The following SPON1 variants were observed in gnomAD, a reference collection of about 807,000 sequenced individuals.
SPON1 encodes the protein spondin-1.
Under a neutral mutation model 111.7 loss-of-function variants are expected in SPON1, and 52 were observed. The observed-to-expected ratio is 0.47, with a 90% CI of 0.37 to 0.59. SPON1 has a LOEUF of 0.59. Ranked by LOEUF, SPON1 falls within the 20% of genes least tolerant of loss-of-function variation. The pLI is 0.00. For synonymous variants in SPON1, 410 were observed against 395.8 expected (o/e 1.04, Z -0.43); for missense variants, 957 against 1,068.5 (o/e 0.90, Z 1.46).
intron 1 of SPON1, among the ~76,000 whole-genome samples, chr11:13,982,233 C>T (rs1848150025): frequency 6.6e-6 from 1 of 151,972 alleles, no homozygotes. Context: ...GGGTTTGGTA[C>T]TATCCATGAT....
intron 2 of SPON1, among the ~76,000 whole-genome samples, chr11:14,014,553 G>T (rs964628413): frequency 6.6e-6 from 1 of 152,222 alleles, no homozygotes; most frequent in Non-Finnish European, 1.5e-5. Context: ...GAGGAGAAAG[G>T]TCTGGTGCTA....
intron 6 of SPON1, among the ~76,000 whole-genome samples, chr11:14,199,312 T>G (rs1489816345): frequency 6.6e-6 from 1 of 152,068 alleles, no homozygotes; most frequent in African/African-American, 2.4e-5. Flanking sequence ...ACAAAAACTC[T>G]CTTCGTAATA....
intron 6 of SPON1, 75 bp from the exon 7 acceptor site, chr11:14,243,257 T>C (rs1435411164): frequency 1.0e-5 from 14 of 1,367,338 alleles, no homozygotes; most frequent in Non-Finnish European, 1.4e-5. Context: ...GGGTGAATGG[T>C]GTCACCAGGT....
intron 1 of SPON1, among the ~76,000 whole-genome samples, chr11:13,974,033 T>C (rs1393982018): frequency 1.3e-5 from 2 of 152,220 alleles, no homozygotes; most frequent in Non-Finnish European, 1.5e-5. Flanking sequence ...TTTTGGATTC[T>C]CAGTCTTGCC....
intron 3 of SPON1, among the ~76,000 whole-genome samples, chr11:14,073,807 G>C (rs1376379343): frequency 1.3e-5 from 2 of 152,170 alleles, no homozygotes; most frequent in Admixed American, 1.3e-4. Context: ...CAGTGTCCTG[G>C]AACCTCCCTC....
intron 6 of SPON1, among the ~76,000 whole-genome samples, chr11:14,184,974 A>G (rs1554933946): frequency 6.6e-6 from 1 of 152,202 alleles, no homozygotes; most frequent in Non-Finnish European, 1.5e-5. Flanking sequence ...TACACCATGA[A>G]GAACCCAAAC....
intron 1 of SPON1, among the ~76,000 whole-genome samples, chr11:13,980,618 T>C (rs2133780004): frequency 6.6e-6 from 1 of 152,280 alleles, no homozygotes; most frequent in South Asian, 2.1e-4. Flanking sequence ...GTGTATACAT[T>C]AGGGCACTTC....
At chr11:14,074,162 C>G (rs557136354) in intron 3 of SPON1, among the ~76,000 whole-genome samples, 1 of 152,162 alleles carries the variant, frequency 6.6e-6, no homozygotes, top group Non-Finnish European at 1.5e-5. Flanking sequence ...AGTAGCTTTG[C>G]GTAGACAGGA....
chr11:14,036,300 T>G (rs565663743), intron 2 of SPON1, among the ~76,000 whole-genome samples: 58 of 152,342 alleles, frequency 3.8e-4, no homozygotes, highest in Non-Finnish European at 6.8e-4. Flanking sequence ...GTTAGAATGA[T>G]GTTACATTAG....
chr11:14,159,800 C>T (rs2133872813), intron 6 of SPON1, among the ~76,000 whole-genome samples: 1 of 150,482 alleles, frequency 6.6e-6, no homozygotes, highest in East Asian at 2.0e-4. Flanking sequence ...ACAAACATCA[C>T]ATGTTCTCAC....
At chr11:14,155,221 T>C (rs1554930246) in intron 6 of SPON1, among the ~76,000 whole-genome samples, 1 of 152,222 alleles carries the variant, frequency 6.6e-6, no homozygotes, top group Non-Finnish European at 1.5e-5. Flanking sequence ...CTTACACATT[T>C]TCAAGTATCT....
chr11:14,096,544 G>T (rs1388704305), intron 5 of SPON1, among the ~76,000 whole-genome samples: 1 of 152,134 alleles, frequency 6.6e-6, no homozygotes, highest in African/African-American at 2.4e-5. Context: ...TGAGGTCAGG[G>T]TCTCTACCTA....
intron 6 of SPON1, among the ~76,000 whole-genome samples, chr11:14,224,352 T>G (rs1477303339): frequency 6.6e-6 from 1 of 152,070 alleles, no homozygotes. Flanking sequence ...AGCCTTGAAC[T>G]GCATTCTCAA....
intron 2 of SPON1, among the ~76,000 whole-genome samples, chr11:13,989,770 A>T (rs1172607108): frequency 1.3e-5 from 2 of 152,162 alleles, no homozygotes; most frequent in African/African-American, 4.8e-5. Context: ...GGTTTCAAAG[A>T]ACATCTTTAT....
intron 3 of SPON1, among the ~76,000 whole-genome samples, chr11:14,070,819 C>G (rs977135748): frequency 6.6e-6 from 1 of 152,068 alleles, no homozygotes; most frequent in African/African-American, 2.4e-5. Context: ...AATGAATAAA[C>G]CCTCCAAACA....
chr11:14,026,637 C>T (rs1848520894), intron 2 of SPON1, among the ~76,000 whole-genome samples: 1 of 152,108 alleles, frequency 6.6e-6, no homozygotes, highest in Non-Finnish European at 1.5e-5. Flanking sequence ...TGCTGACTTA[C>T]GCAGAGAATA....
intron 3 of SPON1, among the ~76,000 whole-genome samples, chr11:14,069,370 A>G (rs1012167368): frequency 6.6e-6 from 1 of 152,164 alleles, no homozygotes; most frequent in Non-Finnish European, 1.5e-5. Context: ...CTTAGATCCA[A>G]TATGCTATAA....
rs543993317 is a variant in SPON1, at chr11:14,262,732, G to C, written c.2017G>C (p.Glu673Gln). 6 of 1,613,928 alleles carry C rather than the reference G, an allele frequency of 3.7e-6. No homozygotes were observed. Among genetic ancestry groups the C allele is most frequent in the Admixed American group, 1.7e-5 (1 of 60,022 alleles). Residue 673 changes from glutamate (E) to glutamine (Q), a missense_variant, in exon 15 of 16, where the codon GAG becomes CAG. By Grantham distance (29) the Glu-to-Gln change is conservative (BLOSUM62 2). Transcript: ENST00000576479. ...GCCAGCCATTGACTGTGAGCTCACCGAGTGGTCCCAGTGGTCGGAATGTAA... is the reference window on the plus strand; with the variant it reads ...GCCAGCCATTGACTGTGAGCTCACCCAGTGGTCCCAGTGGTCGGAATGTAA... ...PECPIDCELT[E>Q]WSQWSECNKS...
chr11:14,260,392 A>G (rs1277481301), intron 13 of SPON1, among the ~76,000 whole-genome samples, 196 bp from the exon 14 acceptor site: 1 of 152,062 alleles, frequency 6.6e-6, no homozygotes, highest in African/African-American at 2.4e-5. Context: ...GAGATGAAAG[A>G]GAGTGAAAAG....
Sources: gnomAD v4.1 joint callset for allele counts (sites outside exome capture counted in the v4.1 genomes callset) on GRCh38, gnomAD v4.1.1 for gene constraint, MANE v1.5 for transcripts, NCBI Gene and HGNC (gene_info 2026-07-23, HGNC 2026-07-21) for gene names.